Variants in SGCG observed in about 807,000 individuals in gnomAD.
The protein encoded by SGCG is sarcoglycan gamma, also known as gamma-sarcoglycan.
SGCG carries 26 observed loss-of-function variants against 29.3 expected under a neutral mutation model. The observed-to-expected ratio is 0.89, with a 90% CI of 0.65 to 1.23. The LOEUF is 1.23. Ranked by LOEUF, SGCG falls within the 50% of genes most tolerant of loss-of-function variation. The pLI is 0.00. For missense variants in SGCG, 353 were observed against 356.0 expected (o/e 0.99, Z 0.07); for synonymous variants, 145 against 129.7 (o/e 1.12, Z -0.80).
chr13:23,196,170 T>C (rs545324118), intron 1 of SGCG, among the ~76,000 whole-genome samples: 27 of 152,290 alleles, frequency 1.8e-4, no homozygotes, highest in African/African-American at 6.0e-4. Context: ...TGTAATACTA[T>C]AGTAATTTGA....
At chr13:23,249,547 A>G (rs1212760557) in intron 3 of SGCG, among the ~76,000 whole-genome samples, 6 of 73,280 alleles carry the variant, frequency 8.2e-5, no homozygotes, top group African/African-American at 4.4e-4. Context: ...TGAGACAAGT[A>G]AAGCGAAAAA....
At chr13:23,229,874 A>G (rs1170340357) in intron 2 of SGCG, among the ~76,000 whole-genome samples, 3 of 152,158 alleles carry the variant, frequency 2.0e-5, no homozygotes, top group Non-Finnish European at 4.4e-5. Flanking sequence ...TATATCCTAA[A>G]TGGTATTTCC....
upstream of SGCG, among the ~76,000 whole-genome samples, chr13:23,178,333 G>A (rs891451515): frequency 6.6e-6 from 1 of 152,228 alleles, no homozygotes; most frequent in African/African-American, 2.4e-5. Context: ...TGGTAGACTG[G>A]TGAGTGAGGG....
intron 6 of SGCG, among the ~76,000 whole-genome samples, chr13:23,313,332 T>A (rs1882676631): frequency 6.6e-6 from 1 of 152,024 alleles, no homozygotes; most frequent in Non-Finnish European, 1.5e-5. Context: ...GCCCAGCTCA[T>A]TTTTGTATTT....
chr13:23,223,902 G>T lies in SGCG; in HGVS notation c.196-10709G>T, dbSNP rs1878788327. On this transcript the variant is annotated intron_variant, in intron 2 of 7. Transcript: ENST00000218867. Reference sequence around the variant, plus strand: ...AATCGCTTGAACCCGGGAGGTGGAGGTTGCAGTGAGCTGAGATCACGCCAT... The same window carrying T: ...AATCGCTTGAACCCGGGAGGTGGAGTTTGCAGTGAGCTGAGATCACGCCAT... Among the ~76,000 whole-genome samples the T allele has an allele frequency of 2.0e-5, 3 of 152,170 alleles. 1 individual carries two copies. The highest frequency in any genetic ancestry group is 4.2e-4 in the South Asian group (2 of 4,816).
At position 23,279,342 on chromosome 13, in the gene SGCG, C is replaced by T; in HGVS notation, c.386-17C>T. 1 of 1,610,022 alleles carries T rather than the reference C, an allele frequency of 6.2e-7. No individual in the cohort carries two copies. The highest frequency in any genetic ancestry group is 8.5e-7 in the Non-Finnish European group (1 of 1,177,384). On this transcript the variant is annotated splice_polypyrimidine_tract_variant and intron_variant, in intron 4 of 7. Coordinates refer to ENST00000218867, the MANE Select transcript of SGCG (RefSeq NM_000231.3). Reference sequence around the variant, plus strand: ...CTTGTAGTGAACAGTTTATAATAAACTGTTTTAATTCTTCAGGTCCCAAAA... The same window carrying T: ...CTTGTAGTGAACAGTTTATAATAAATTGTTTTAATTCTTCAGGTCCCAAAA...
chr13:23,310,863 A>G (rs988934595), intron 6 of SGCG, among the ~76,000 whole-genome samples: 3 of 152,146 alleles, frequency 2.0e-5, no homozygotes, highest in African/African-American at 7.2e-5. Flanking sequence ...ATTTTTAAAA[A>G]CTTAGTCACT....
chr13:23,213,084 C>T (rs1277427675), intron 2 of SGCG, among the ~76,000 whole-genome samples: 1 of 151,908 alleles, frequency 6.6e-6, no homozygotes, highest in African/African-American at 2.4e-5. Flanking sequence ...TTTTATTACC[C>T]TATCTCTGCA....
At chr13:23,311,409 C>A (rs1480709808) in intron 6 of SGCG, among the ~76,000 whole-genome samples, 1 of 152,236 alleles carries the variant, frequency 6.6e-6, no homozygotes, top group Non-Finnish European at 1.5e-5. Flanking sequence ...ATATGTATGT[C>A]TTCCTCATTC....
At chr13:23,290,949 T>C (rs1031994947) in intron 5 of SGCG, among the ~76,000 whole-genome samples, 2 of 152,236 alleles carry the variant, frequency 1.3e-5, no homozygotes, top group African/African-American at 2.4e-5. Flanking sequence ...TGCTGGGCTC[T>C]GTACCATGAT....
chr13:23,205,380 G>T (rs1877946482), intron 2 of SGCG, among the ~76,000 whole-genome samples: 1 of 152,162 alleles, frequency 6.6e-6, no homozygotes, highest in Non-Finnish European at 1.5e-5. Context: ...TGAATAGAGA[G>T]CCCTGCATCA....
rs576170697 is a variant in SGCG at position 23,324,558 on chromosome 13, C to A, written c.*17C>A. The stretch of plus-strand genomic sequence containing the variant: ...TGCCTCTGAGCTGCCTGCGTCCTCT[C>A]GGTGAGCTGTGCAGTGCCGGCCCCA... On this transcript the variant is annotated 3_prime_UTR_variant, in exon 8 of 8. Transcript: ENST00000218867. 1 of 1,605,460 alleles carries A rather than the reference C, an allele frequency of 6.2e-7. No individual in the cohort carries two copies.
intron 6 of SGCG, among the ~76,000 whole-genome samples, chr13:23,320,106 G>T (rs1382379118): frequency 6.6e-6 from 1 of 152,122 alleles, no homozygotes; most frequent in African/African-American, 2.4e-5. Context: ...AAATGCATGT[G>T]TTGTCCTTAA....
At position 23,259,621 on chromosome 13, in the gene SGCG, T is replaced by A. The variant is rs546340655; in HGVS notation, c.385+8904T>A. ...TGTTTGCTCTTGCTTCTCTAGTTCTTTTAATTGTGATGTTAGGGTGTTAAT... is the reference window on the plus strand; with the variant it reads ...TGTTTGCTCTTGCTTCTCTAGTTCTATTAATTGTGATGTTAGGGTGTTAAT... On this transcript the variant is annotated intron_variant, in intron 4 of 7. Coordinates refer to ENST00000218867, the MANE Select transcript of SGCG (RefSeq NM_000231.3). Among the ~76,000 whole-genome samples the A allele has an allele frequency of 2.0e-3, 304 of 152,332 alleles. 2 individuals carry two copies. The highest frequency in any genetic ancestry group is 6.6e-3 in the African/African-American group (273 of 41,588).
chr13:23,212,944 T>G (rs1156651836), intron 2 of SGCG, among the ~76,000 whole-genome samples: 1 of 152,132 alleles, frequency 6.6e-6, no homozygotes, highest in Non-Finnish European at 1.5e-5. Context: ...CTTTGTAATG[T>G]TTTTTGCTGA....
chr13:23,185,767 C>T (rs935827678), intron 1 of SGCG, among the ~76,000 whole-genome samples: 3 of 152,168 alleles, frequency 2.0e-5, no homozygotes, highest in African/African-American at 7.2e-5. Context: ...TTGGAGTGTG[C>T]CTCTCATGGG....
chr13:23,262,707 C>T (rs1464002139), intron 4 of SGCG, among the ~76,000 whole-genome samples: 1 of 152,008 alleles, frequency 6.6e-6, no homozygotes, highest in Non-Finnish European at 1.5e-5. Flanking sequence ...AATATCCATT[C>T]TTCCCATCAG....
At chr13:23,286,374 T>C (rs4769253) in intron 5 of SGCG, among the ~76,000 whole-genome samples, 114,270 of 152,184 alleles carry the variant, frequency 0.75, 43,855 homozygotes, top group Middle Eastern at 0.87. Context: ...GAAAGTTAGA[T>C]TTGCCAGCAA....
At chr13:23,176,489 A>G (rs1256049074), upstream of SGCG, among the ~76,000 whole-genome samples, 1 of 152,128 alleles carries the variant, frequency 6.6e-6, no homozygotes, top group Non-Finnish European at 1.5e-5. Flanking sequence ...TCATTATATA[A>G]TGACCATTTT....
Sources: gnomAD v4.1 joint callset for allele counts (sites outside exome capture counted in the v4.1 genomes callset) on GRCh38, gnomAD v4.1.1 for gene constraint, MANE v1.5 for transcripts, NCBI Gene and HGNC (gene_info 2026-07-23, HGNC 2026-07-21) for gene names.